The following NOL8 variants were observed in gnomAD, a reference collection of about 807,000 sequenced individuals.
NOL8 encodes nucleolar protein Nop132.
NOL8 carries 93 observed loss-of-function variants against 116.1 expected under a neutral mutation model. The ratio of observed to expected loss-of-function variants is 0.80; its 90% CI spans 0.68 to 0.95. NOL8 has a LOEUF of 0.95. Ranked by LOEUF, NOL8 falls within the 40% of genes least tolerant of loss-of-function variation. NOL8 has a pLI of 0.00. For synonymous variants in NOL8, 419 were observed against 469.0 expected, an observed-to-expected ratio of 0.89 and a Z score of 1.38; for missense variants, 1,291 against 1,382.8, an observed-to-expected ratio of 0.93 and a Z score of 1.05.
intron 4 of NOL8, chr9:92,320,201 C>A: frequency 2.2e-6 from 1 of 456,122 alleles, no homozygotes; most frequent in Admixed American, 2.3e-5. Flanking sequence ...GCCTGGACAA[C>A]TGCACAGAGC....
intron 13 of NOL8, chr9:92,300,228 C>A: frequency 1.7e-6 from 2 of 1,206,118 alleles, no homozygotes; most frequent in Non-Finnish European, 2.1e-6. Flanking sequence ...TTTGGCATTG[C>A]TAGAATGATC....
chr9:92,310,177 G>A lies in NOL8; in HGVS notation c.2680C>T (p.Gln894Ter). The change falls in exon 10 of 17, where the codon CAG becomes TAG. Residue 894 changes from glutamine (Q) to a stop codon, truncating the protein, a stop_gained. Transcript: ENST00000442668. LOFTEE classifies it high-confidence loss of function. ...TGGACAATGAAGCATTTACCTTCCT[G>A]TTCCTCTTCACTGTCAGTTTCTAGA... is the stretch of plus-strand genomic sequence containing the variant. The part of the protein sequence containing the change: ...RFLETDSEEE[Q>*]EEVNEKKTAE... 6.2e-7 allele frequency: 1 copy of A among 1,603,714 alleles called. No individual in the cohort carries two copies. The highest frequency in any genetic ancestry group is 1.1e-5 in the South Asian group (1 of 88,918).
chr9:92,314,932 T>C lies in NOL8; in HGVS notation c.1693A>G (p.Asn565Asp). The change falls in exon 7 of 17, where the codon AAT (asparagine) becomes GAT (aspartate). Residue 565 changes from asparagine to aspartate, a missense_variant. Asn to Asp is a conservative substitution (Grantham distance 23). Coordinates refer to ENST00000442668, the MANE Select transcript of NOL8 (RefSeq NM_017948.6). ...TCGKQKPKEN[N>D]LKPKFQAFKG... ...AAAGCCTGAAATTTTGGCTTTAAATTGTTTTCCTTTGGTTTCTGTTTGCCA... is the reference window on the plus strand; with the variant it reads ...AAAGCCTGAAATTTTGGCTTTAAATCGTTTTCCTTTGGTTTCTGTTTGCCA... 2 of 1,613,912 alleles carry C rather than the reference T, an allele frequency of 1.2e-6. No individual in the cohort carries two copies. Among genetic ancestry groups the C allele is most frequent in the Non-Finnish European group, 1.7e-6 (2 of 1,179,886 alleles).
intron 3 of NOL8, among the ~76,000 whole-genome samples, chr9:92,322,677 A>G (rs1320699209): frequency 6.6e-6 from 1 of 152,224 alleles, no homozygotes; most frequent in Non-Finnish European, 1.5e-5. Flanking sequence ...GGCAAGCACT[A>G]TCTTTTGTCA....
At chr9:92,319,459 G>T in intron 4 of NOL8, 103 bp from the exon 5 acceptor site, 2 of 1,250,746 alleles carry the variant, frequency 1.6e-6, no homozygotes, top group Non-Finnish European at 2.1e-6. Flanking sequence ...AAACAGCTTT[G>T]TAGTATTAAA....
Position 92,298,962 on chromosome 9 carries a change from G to A in NOL8, c.3303-8C>T. The stretch of plus-strand genomic sequence containing the variant: ...TCAAGTAATGATGCTTCTCTGAAAA[G>A]AAAGGGACAAAGGAGAGAGAAAAAT... On this transcript the variant is annotated splice_region_variant and splice_polypyrimidine_tract_variant and intron_variant, in intron 14 of 16. Transcript: ENST00000442668. The A allele has an allele frequency of 6.7e-7, 1 of 1,503,084 alleles. No homozygotes were observed. Among genetic ancestry groups the A allele is most frequent in the Non-Finnish European group, 9.0e-7 (1 of 1,115,218 alleles). The allele number at this position is 1,503,084 out of a possible 1,614,324, so 93.1% of individuals were successfully genotyped here.
At chr9:92,320,594 TCTTTTTTTTTTTTC>T (rs1290737896) in intron 4 of NOL8, among the ~76,000 whole-genome samples, 1 of 150,590 alleles carries the variant, frequency 6.6e-6, no homozygotes, top group Non-Finnish European at 1.5e-5. Flanking sequence ...ACCTGTATAT[TCTTTTTTTTTTTTC>T]CTTTTTTTTT....
intron 6 of NOL8, 37 bp from the exon 7 acceptor site, chr9:92,316,175 T>C: frequency 1.3e-6 from 2 of 1,569,648 alleles, no homozygotes; most frequent in Non-Finnish European, 1.7e-6. Flanking sequence ...AAGCACTTGG[T>C]TTTAGGAAAA....
At chr9:92,313,453 T>C (rs368945073) in intron 7 of NOL8, among the ~76,000 whole-genome samples, 4 of 152,238 alleles carry the variant, frequency 2.6e-5, no homozygotes, top group African/African-American at 9.6e-5. Context: ...AAATAGGTCA[T>C]GGGCTGGATG....
Position 92,314,616 on chromosome 9 carries a change from T to C in NOL8, c.2009A>G (p.Asn670Ser). 1 of 1,612,892 alleles carries C rather than the reference T, an allele frequency of 6.2e-7. No individual in the cohort carries two copies. Among genetic ancestry groups the C allele is most frequent in the Non-Finnish European group, 8.5e-7 (1 of 1,179,346 alleles). ...ACCTTCTAATGGCCTAGAAATAGGA[T>C]TCTTACTTCTCTTTTCAGAACTGCT... ...SPSSSEKRSK[N>S]PISRPLEGKK... Residue 670 changes from asparagine to serine, a missense_variant, in exon 7 of 17, where the codon AAT becomes AGT. Transcript: ENST00000442668.
chr9:92,320,525 T>A (rs183623451), intron 4 of NOL8: 1 of 182,868 alleles, frequency 5.5e-6, no homozygotes, highest in African/African-American at 2.4e-5. Context: ...TTAGAATATA[T>A]CTGTTCTTGT....
intron 6 of NOL8, among the ~76,000 whole-genome samples, chr9:92,317,518 G>A (rs1419975857): frequency 6.6e-6 from 1 of 152,198 alleles, no homozygotes. Flanking sequence ...GGTAGTAGTG[G>A]TTTCAGTGGC....
chr9:92,312,325 G>A (rs1402568394), intron 7 of NOL8, among the ~76,000 whole-genome samples: 5 of 151,520 alleles, frequency 3.3e-5, no homozygotes, highest in African/African-American at 9.7e-5. Flanking sequence ...ATGGTGGCAC[G>A]TGACTGTAGT....
Position 92,315,829 on chromosome 9 carries a change from TAGA to T in NOL8, c.793_795del (p.Ser265del), listed in dbSNP as rs760515154. 1.2e-6 allele frequency: 2 copies of T among 1,614,028 alleles called. No homozygotes were observed. The highest frequency in any genetic ancestry group is 2.2e-5 in the South Asian group (2 of 91,080). On this transcript the variant is annotated inframe_deletion, in exon 7 of 17. Transcript: ENST00000442668. ...TCAGAAACAGGTACAGGAGATGATT[TAGA>T]AGGAGTAATGGAATCACAAGTTCTT...
At chr9:92,316,587 T>A (rs534066226) in intron 6 of NOL8, among the ~76,000 whole-genome samples, 1 of 152,178 alleles carries the variant, frequency 6.6e-6, no homozygotes, top group Non-Finnish European at 1.5e-5. Context: ...TTCTTACTCA[T>A]CCTAACTCTG....
chr9:92,323,563 A>G, intron 2 of NOL8, 60 bp from the exon 3 acceptor site: 1 of 1,379,668 alleles, frequency 7.2e-7, no homozygotes, highest in Non-Finnish European at 9.7e-7. Context: ...CCAGAGAGCA[A>G]TGTAAAAACG....
rs1328616293 is a variant in NOL8 at position 92,297,600 on chromosome 9, G to T, written c.*236C>A. The T allele has an allele frequency of 1.2e-5, 6 of 488,784 alleles. No individual in the cohort carries two copies. The highest frequency in any genetic ancestry group is 2.0e-5 in the African/African-American group (1 of 50,008). The allele number at this position is 488,784 out of a possible 1,614,324, so 30.3% of individuals were successfully genotyped here. A position where few individuals can be genotyped will look rare whatever the true frequency, so the allele number is the denominator to read the frequency against. On this transcript the variant is annotated 3_prime_UTR_variant, in exon 17 of 17. Coordinates refer to ENST00000442668, the MANE Select transcript of NOL8 (RefSeq NM_017948.6). ...GATTATATACAAAAAGTATTTTCAA[G>T]GACTATCTTGTTCTTCCTTTATAAG...
chr9:92,319,209 G>T lies in NOL8; in HGVS notation c.417+12C>A, dbSNP rs889532685. On this transcript the variant is annotated intron_variant, in intron 5 of 16. Coordinates refer to ENST00000442668, the MANE Select transcript of NOL8 (RefSeq NM_017948.6). Reference sequence around the variant, plus strand: ...GACCATGTAATTGGCTCAGGCTACAGAGGAGACTCACCTTATGCCCTGGCA... The same window carrying T: ...GACCATGTAATTGGCTCAGGCTACATAGGAGACTCACCTTATGCCCTGGCA... 7 of 1,536,462 alleles carry T rather than the reference G, an allele frequency of 4.6e-6. No individual in the cohort carries two copies. The highest frequency in any genetic ancestry group is 6.1e-6 in the Non-Finnish European group (7 of 1,150,396).
chr9:92,302,004 A>T (rs1837796488), intron 12 of NOL8, among the ~76,000 whole-genome samples, 182 bp from the exon 13 acceptor site: 3 of 152,358 alleles, frequency 2.0e-5, no homozygotes, highest in Admixed American at 1.3e-4. Flanking sequence ...AACTCTACTA[A>T]TAGAAGCAAA....
Sources: allele counts gnomAD v4.1 joint callset (sites outside exome capture counted in the v4.1 genomes callset), GRCh38; gene constraint gnomAD v4.1.1; transcripts MANE v1.5; gene names NCBI Gene and HGNC (gene_info 2026-07-23, HGNC 2026-07-21).